The following CUX1 variants were observed in gnomAD, a reference collection of about 807,000 sequenced individuals.
The protein encoded by CUX1 is protein CASP.
Under a neutral mutation model 158.8 loss-of-function variants are expected in CUX1, and 31 were observed. The observed-to-expected ratio is 0.20, with a 90% confidence interval of 0.15 to 0.26. The LOEUF (loss-of-function observed/expected upper bound fraction) is 0.26. Among genes scored for constraint, CUX1 ranks in the 10% least tolerant of loss-of-function variants. CUX1 has a pLI of 1.00. For synonymous variants in CUX1, 879 were observed against 862.1 expected (o/e 1.02, Z -0.34); for missense variants, 1,589 against 2,014.6 (o/e 0.79, Z 4.04).
chr7:102,249,855 C>T lies in CUX1; in HGVS notation c.*813C>T, dbSNP rs1267998572. On this transcript the variant is annotated 3_prime_UTR_variant, in exon 24 of 24. Transcript: ENST00000292535. ...TGAATTAAAATAAAACACATTTACTCCACATATTTTTTAACAAAAAGAAAA... is the reference window on the plus strand; with the variant it reads ...TGAATTAAAATAAAACACATTTACTTCACATATTTTTTAACAAAAAGAAAA... The T allele has an allele frequency of 1.0e-6, 1 of 985,492 alleles. No homozygotes were observed. The highest frequency in any genetic ancestry group is 6.2e-5 in the Admixed American group (1 of 16,248). The allele number at this position is 985,492 out of a possible 1,614,324, so 61.0% of individuals were successfully genotyped here.
intron 2 of CUX1, among the ~76,000 whole-genome samples, chr7:101,941,991 G>A (rs150519156): frequency 9.3e-4 from 142 of 152,234 alleles, no homozygotes; most frequent in South Asian, 6.2e-3. Flanking sequence ...AAACTGCAAC[G>A]TTATCAAACA....
At chr7:101,972,437 G>C (rs546207325) in intron 2 of CUX1, among the ~76,000 whole-genome samples, 12 of 152,276 alleles carry the variant, frequency 7.9e-5, no homozygotes, top group Non-Finnish European at 1.6e-4. Flanking sequence ...TTGCCTCCTC[G>C]GACGGCATCT....
chr7:102,091,115 C>T (rs1828541302), intron 4 of CUX1, among the ~76,000 whole-genome samples: 4 of 152,180 alleles, frequency 2.6e-5, no homozygotes, highest in Admixed American at 2.6e-4. Context: ...GGAAACATTT[C>T]CAAATATTCA....
At chr7:102,200,807 A>G (rs2132023853) in intron 17 of CUX1, among the ~76,000 whole-genome samples, 1 of 151,844 alleles carries the variant, frequency 6.6e-6, no homozygotes, top group Middle Eastern at 3.4e-3. Flanking sequence ...ATGGGGGAGG[A>G]TGACTTGAGT....
intron 2 of CUX1, among the ~76,000 whole-genome samples, chr7:101,990,140 C>T (rs1055675010): frequency 6.6e-6 from 1 of 152,034 alleles, no homozygotes; most frequent in African/African-American, 2.4e-5. Context: ...AAGATGATCT[C>T]TTGAACCCGG....
At chr7:102,057,318 A>G (rs777215637) in intron 3 of CUX1, among the ~76,000 whole-genome samples, 18 of 152,254 alleles carry the variant, frequency 1.2e-4, no homozygotes, top group Admixed American at 2.0e-4. Flanking sequence ...CCTGCATTCT[A>G]CAGCACATGG....
intron 1 of CUX1, among the ~76,000 whole-genome samples, chr7:101,864,008 G>A (rs1271981738): frequency 2.0e-5 from 3 of 152,202 alleles, no homozygotes; most frequent in South Asian, 2.1e-4. Context: ...GAACTCTGGT[G>A]TGTATATATC....
At chr7:102,147,977 A>AAAT (rs1554502556) in intron 8 of CUX1, among the ~76,000 whole-genome samples, 8 of 152,142 alleles carry the variant, frequency 5.3e-5, no homozygotes, top group Non-Finnish European at 8.8e-5. Context: ...CTCCGTCTCA[A>AAAT]AAATAAATAA....
intron 8 of CUX1, among the ~76,000 whole-genome samples, chr7:102,132,684 T>TTC: frequency 6.9e-6 from 1 of 145,524 alleles, no homozygotes; most frequent in Admixed American, 6.8e-5. Flanking sequence ...GCTTTTCTTT[T>TTC]TTTTTTTTTT....
At chr7:101,864,029 C>G (rs1014087370) in intron 1 of CUX1, among the ~76,000 whole-genome samples, 3 of 152,116 alleles carry the variant, frequency 2.0e-5, no homozygotes, top group Admixed American at 6.5e-5. Context: ...TCTTCAAGAC[C>G]CAGTTTTCGT....
At chr7:102,259,498 G>T (rs1790215722), downstream of CUX1, among the ~76,000 whole-genome samples, 1 of 152,182 alleles carries the variant, frequency 6.6e-6, no homozygotes, top group Non-Finnish European at 1.5e-5. Flanking sequence ...TGAGGCAGGA[G>T]AATTGCTTGA....
chr7:102,178,891 G>A (rs1293024727), intron 11 of CUX1, among the ~76,000 whole-genome samples: 1 of 152,124 alleles, frequency 6.6e-6, no homozygotes, highest in Non-Finnish European at 1.5e-5. Flanking sequence ...TGGAGTCGGA[G>A]TCTCGCTCTG....
At chr7:101,881,463 A>G (rs1392827628) in intron 1 of CUX1, among the ~76,000 whole-genome samples, 1 of 152,014 alleles carries the variant, frequency 6.6e-6, no homozygotes, top group Non-Finnish European at 1.5e-5. Flanking sequence ...TACACTGACT[A>G]CCTCCCTTGA....
chr7:101,994,112 TC>T (rs2129251833), intron 2 of CUX1, among the ~76,000 whole-genome samples: 1 of 152,286 alleles, frequency 6.6e-6, no homozygotes, highest in Admixed American at 6.5e-5. Context: ...TGGGAGCCCT[TC>T]TTCCATCTCC....
intron 2 of CUX1, among the ~76,000 whole-genome samples, chr7:101,966,093 C>T (rs1001890524): frequency 1.3e-5 from 2 of 151,972 alleles, no homozygotes; most frequent in African/African-American, 2.4e-5. Flanking sequence ...GGGACAGGGT[C>T]TCACTCTGTT....
intron 1 of CUX1, among the ~76,000 whole-genome samples, chr7:101,822,911 A>G (rs1378124079): frequency 6.7e-6 from 1 of 150,078 alleles, no homozygotes; most frequent in African/African-American, 2.5e-5. Context: ...TCTCAGAAAA[A>G]AAAAAAAAAA....
chr7:101,816,011 C>G (rs758287757), upstream of CUX1: 2 of 1,412,242 alleles, frequency 1.4e-6, no homozygotes, highest in Non-Finnish European at 1.9e-6. Flanking sequence ...GCCGCTCACT[C>G]CGTCTCAATA....
chr7:101,952,922 G>A (rs1199846639), intron 2 of CUX1, among the ~76,000 whole-genome samples: 1 of 152,212 alleles, frequency 6.6e-6, no homozygotes, highest in Non-Finnish European at 1.5e-5. Context: ...CATGGGCTCT[G>A]TCGGGACATT....
chr7:102,147,349 T>C (rs1464090206), intron 8 of CUX1, among the ~76,000 whole-genome samples: 1 of 152,204 alleles, frequency 6.6e-6, no homozygotes, highest in Non-Finnish European at 1.5e-5. Context: ...TCAGCCTCCG[T>C]GTCTTCAGTC....
Sources: gnomAD v4.1 joint callset for allele counts (sites outside exome capture counted in the v4.1 genomes callset) on GRCh38, gnomAD v4.1.1 for gene constraint, MANE v1.5 for transcripts, NCBI Gene and HGNC (gene_info 2026-07-23, HGNC 2026-07-21) for gene names.